SOX6: variants seen among roughly 807,000 people sequenced by gnomAD.
SOX6 encodes the protein transcription factor SOX-6.
Under a neutral mutation model 97.8 loss-of-function variants are expected in SOX6, and 11 were observed. That is an observed-to-expected ratio of 0.11 (90% CI 0.07 to 0.19). The LOEUF is 0.19. SOX6 is among the 10% of genes least tolerant of loss of function. The pLI is 1.00. For missense variants in SOX6, 810 were observed against 1,039.5 expected, an observed-to-expected ratio of 0.78 and a Z score of 3.04; for synonymous variants, 360 against 371.4, an observed-to-expected ratio of 0.97 and a Z score of 0.35.
chr11:16,458,024 A>G (rs999389600), intron 1 of SOX6, among the ~76,000 whole-genome samples: 4 of 152,020 alleles, frequency 2.6e-5, no homozygotes, highest in African/African-American at 9.7e-5. Context: ...ATATCATATA[A>G]TGATGTTATA....
chr11:16,481,197 T>G (rs935747374), upstream of SOX6, among the ~76,000 whole-genome samples: 1 of 152,146 alleles, frequency 6.6e-6, no homozygotes, highest in Non-Finnish European at 1.5e-5. Flanking sequence ...AACTCCATAA[T>G]GCTTAGTTTT....
At chr11:15,993,612 C>G (rs755440088) in intron 13 of SOX6, among the ~76,000 whole-genome samples, 2 of 152,144 alleles carry the variant, frequency 1.3e-5, no homozygotes, top group Non-Finnish European at 2.9e-5. Context: ...AGCAAGGTCC[C>G]GTATGCCAGG....
intron 13 of SOX6, among the ~76,000 whole-genome samples, chr11:16,012,875 T>C (rs1854774827): frequency 6.6e-6 from 1 of 152,040 alleles, no homozygotes; most frequent in Non-Finnish European, 1.5e-5. Context: ...CTCTAGTATA[T>C]AAACACTTGA....
At chr11:16,150,458 T>G (rs1372106411) in intron 6 of SOX6, among the ~76,000 whole-genome samples, 2 of 152,190 alleles carry the variant, frequency 1.3e-5, no homozygotes, top group Non-Finnish European at 2.9e-5. Flanking sequence ...GGAGTTGATT[T>G]CAGGAAGTTT....
At chr11:16,425,763 T>C (rs1859115369) in intron 1 of SOX6, among the ~76,000 whole-genome samples, 1 of 151,954 alleles carries the variant, frequency 6.6e-6, no homozygotes, top group Non-Finnish European at 1.5e-5. Context: ...ACTAGGAAGG[T>C]GAAAGATCTC....
intron 6 of SOX6, among the ~76,000 whole-genome samples, chr11:16,182,097 A>T (rs1281978082): frequency 6.6e-6 from 1 of 151,818 alleles, no homozygotes; most frequent in Non-Finnish European, 1.5e-5. Flanking sequence ...ATCATATATA[A>T]GTAATACACA....
At chr11:16,203,789 G>T (rs1415233688) in intron 4 of SOX6, among the ~76,000 whole-genome samples, 1 of 152,010 alleles carries the variant, frequency 6.6e-6, no homozygotes, top group Non-Finnish European at 1.5e-5. Context: ...CAGCAATAGT[G>T]AGGTGATACT....
At chr11:16,500,701 C>T (rs1023421998) in intron 4 of SOX6, among the ~76,000 whole-genome samples, 8 of 152,154 alleles carry the variant, frequency 5.3e-5, no homozygotes, top group African/African-American at 1.9e-4. Context: ...AGTGAACTCC[C>T]ATTCACAATT....
chr11:16,528,949 T>A (rs1352908589), intron 4 of SOX6, among the ~76,000 whole-genome samples: 9 of 151,986 alleles, frequency 5.9e-5, no homozygotes, highest in Non-Finnish European at 7.4e-5. Flanking sequence ...AGACTGGTGG[T>A]CTCCTACCTT....
At chr11:16,488,371 A>AC (rs1445072125) in intron 4 of SOX6, among the ~76,000 whole-genome samples, 1 of 152,092 alleles carries the variant, frequency 6.6e-6, no homozygotes, top group East Asian at 1.9e-4. Flanking sequence ...AATAAAAAAA[A>AC]ATACTTTTAA....
intron 4 of SOX6, among the ~76,000 whole-genome samples, chr11:16,532,175 G>A (rs371216966): frequency 6.6e-6 from 1 of 151,838 alleles, no homozygotes; most frequent in African/African-American, 2.4e-5. Context: ...TCATTTCAAG[G>A]AAATAAGAGA....
intron 2 of SOX6, among the ~76,000 whole-genome samples, chr11:16,715,164 T>C (rs182707100): frequency 6.6e-6 from 1 of 152,286 alleles, no homozygotes; most frequent in Non-Finnish European, 1.5e-5. Flanking sequence ...GTGCTAGAAA[T>C]ATGACTAGCC....
chr11:16,254,141 G>C (rs940708431), intron 3 of SOX6, among the ~76,000 whole-genome samples: 14 of 151,670 alleles, frequency 9.2e-5, no homozygotes, highest in African/African-American at 3.4e-4. Context: ...TCCTTCAAAA[G>C]TAAAGTAGAA....
At chr11:16,614,668 G>T (rs1157682625) in intron 3 of SOX6, among the ~76,000 whole-genome samples, 1 of 152,182 alleles carries the variant, frequency 6.6e-6, no homozygotes, top group Non-Finnish European at 1.5e-5. Flanking sequence ...TATCGCGGTT[G>T]TTCTTTGTTA....
At chr11:16,530,519 T>TG (rs1861224420) in intron 4 of SOX6, among the ~76,000 whole-genome samples, 1 of 152,026 alleles carries the variant, frequency 6.6e-6, no homozygotes, top group Admixed American at 6.6e-5. Context: ...CATTGATATC[T>TG]GAGCCAGAAT....
chr11:16,584,674 G>A (rs755836536), intron 4 of SOX6, among the ~76,000 whole-genome samples: 10 of 152,140 alleles, frequency 6.6e-5, no homozygotes, highest in South Asian at 4.1e-4. Context: ...CCTAGTGGTC[G>A]AGCCTATAAT....
chr11:16,203,170 T>C (rs544207275), intron 4 of SOX6, among the ~76,000 whole-genome samples: 1 of 152,150 alleles, frequency 6.6e-6, no homozygotes, highest in Non-Finnish European at 1.5e-5. Context: ...CAACCCAATG[T>C]AACTGAATAT....
chr11:16,162,982 A>G (rs1006683606), intron 6 of SOX6, among the ~76,000 whole-genome samples: 1 of 152,172 alleles, frequency 6.6e-6, no homozygotes, highest in African/African-American at 2.4e-5. Flanking sequence ...ATGAGATTAA[A>G]GAAAGAAGAG....
chr11:16,048,167 T>C (rs1847585957), intron 11 of SOX6, among the ~76,000 whole-genome samples: 1 of 152,164 alleles, frequency 6.6e-6, no homozygotes, highest in Non-Finnish European at 1.5e-5. Flanking sequence ...CAAGGTCAAC[T>C]CTATAATTTA....
Sources: allele counts gnomAD v4.1 joint callset (sites outside exome capture counted in the v4.1 genomes callset), GRCh38; gene constraint gnomAD v4.1.1; transcripts MANE v1.5; gene names NCBI Gene and HGNC (gene_info 2026-07-23, HGNC 2026-07-21).